Variants in AGAP1 observed in about 807,000 individuals in gnomAD.
AGAP1 encodes ArfGAP with GTPase domain, ankyrin repeat and PH domain 1.
Under a neutral mutation model 105.3 loss-of-function variants are expected in AGAP1, and 29 were observed. That is an observed-to-expected ratio of 0.28 (90% CI 0.21 to 0.38). The LOEUF (loss-of-function observed/expected upper bound fraction) is 0.38. Among genes scored for constraint, AGAP1 ranks in the 10% least tolerant of loss-of-function variants. AGAP1 has a pLI of 1.00. For synonymous variants in AGAP1, 509 were observed against 485.9 expected (o/e 1.05, Z -0.63); for missense variants, 998 against 1,165.1 (o/e 0.86, Z 2.09).
intron 1 of AGAP1, among the ~76,000 whole-genome samples, chr2:235,616,307 G>A (rs1008111507): frequency 1.3e-5 from 2 of 151,372 alleles, no homozygotes; most frequent in African/African-American, 2.4e-5. Flanking sequence ...GTTGCAGTGA[G>A]CCAAGAGTGC....
chr2:235,783,556 GA>G (rs1956410823), intron 6 of AGAP1, among the ~76,000 whole-genome samples: 1 of 152,226 alleles, frequency 6.6e-6, no homozygotes, highest in African/African-American at 2.4e-5. Context: ...TGTTATGCCA[GA>G]GATGTGGTTT....
At position 236,120,680 on chromosome 2, in the gene AGAP1, T is replaced by G. The variant is rs2059878171; in HGVS notation, c.2370+233T>G. ...AAAATTGCAACTTTGTGATTGCCCC[T>G]TATCAAGCAGGGTTGGTGCTATCCC... On this transcript the variant is annotated intron_variant, in intron 17 of 17. Transcript: ENST00000304032. This position sits in a 1 kb window ranked among gnomAD's most constrained non-coding sequence, Gnocchi z 6.0. Among the ~76,000 whole-genome samples the G allele has an allele frequency of 6.6e-6, 1 of 152,240 alleles. No individual in the cohort carries two copies. The highest frequency in any genetic ancestry group is 1.5e-5 in the Non-Finnish European group (1 of 68,042).
intron 13 of AGAP1, among the ~76,000 whole-genome samples, chr2:236,032,632 G>A (rs1478014853): frequency 2.0e-5 from 3 of 152,168 alleles, no homozygotes; most frequent in Non-Finnish European, 4.4e-5. Flanking sequence ...ACGCGTGCAC[G>A]TGTCTGCTTT....
chr2:235,653,367 G>T (rs1319373062), intron 1 of AGAP1, among the ~76,000 whole-genome samples: 1 of 152,076 alleles, frequency 6.6e-6, no homozygotes, highest in African/African-American at 2.4e-5. Context: ...GGGAGGCTGA[G>T]GCAGGAGAAT....
At position 235,724,046 on chromosome 2, in the gene AGAP1, C is replaced by T. The variant is rs1951526584; in HGVS notation, c.310+6402C>T. Among the ~76,000 whole-genome samples the T allele has an allele frequency of 6.6e-6, 1 of 152,216 alleles. No homozygotes were observed. Among genetic ancestry groups the T allele is most frequent in the Non-Finnish European group, 1.5e-5 (1 of 68,044 alleles). On this transcript the variant is annotated intron_variant, in intron 3 of 17. Transcript: ENST00000304032. The surrounding 1 kb of genome is among the most constrained non-coding windows in gnomAD (Gnocchi z 4.9). ...ACACAGAGGGATTTGCAGGGAAGGG[C>T]CTTAGCCAGGCATGATGTGGGAGCG...
intron 1 of AGAP1, among the ~76,000 whole-genome samples, chr2:235,704,673 G>C (rs756411294): frequency 5.3e-5 from 8 of 152,210 alleles, no homozygotes; most frequent in Non-Finnish European, 1.0e-4. Flanking sequence ...TGAAGGTTCT[G>C]ATTTCCAGAG....
chr2:235,946,108 TA>T (rs67504072), intron 12 of AGAP1, among the ~76,000 whole-genome samples: 32,393 of 146,114 alleles, frequency 0.22, 8,941 homozygotes, highest in African/African-American at 0.65. Flanking sequence ...TTCCCCTAAT[TA>T]AAAAAAAAAA....
chr2:235,954,536 G>T (rs1010245880), intron 12 of AGAP1, among the ~76,000 whole-genome samples: 2 of 149,070 alleles, frequency 1.3e-5, no homozygotes, highest in African/African-American at 5.0e-5. Context: ...CTTGCATCTC[G>T]TATGTTACGG....
intron 1 of AGAP1, 38 bp downstream of exon 1, chr2:235,494,887 G>T: frequency 6.6e-7 from 1 of 1,523,338 alleles, no homozygotes; most frequent in Non-Finnish European, 8.8e-7. Flanking sequence ...GGGAAGGCAC[G>T]GACGCCCGCG....
chr2:235,884,729 C>T (rs1352454141), intron 10 of AGAP1, among the ~76,000 whole-genome samples: 5 of 152,284 alleles, frequency 3.3e-5, no homozygotes, highest in African/African-American at 7.2e-5. Context: ...GCTGGGATTA[C>T]AGGTTTGAGC....
In AGAP1 at chr2:235,964,614, G is replaced by T. The variant is rs1043865853; in HGVS notation, c.1484-3848G>T. Among the ~76,000 whole-genome samples the T allele has an allele frequency of 4.6e-5, 7 of 152,126 alleles. No homozygotes were observed. Among genetic ancestry groups the T allele is most frequent in the Admixed American group, 4.6e-4 (7 of 15,280 alleles). ...TCTCTGGATGCCCCACCCCCTGAAC[G>T]TTATGAGGCTTCTGAACACTGTTAA... On this transcript the variant is annotated intron_variant, in intron 12 of 17. Coordinates refer to ENST00000304032, the MANE Select transcript of AGAP1 (RefSeq NM_001037131.3). This position sits in a 1 kb window ranked among gnomAD's most constrained non-coding sequence, Gnocchi z 4.6.
At chr2:235,651,184 C>CAAAAAA (rs55990003) in intron 1 of AGAP1, among the ~76,000 whole-genome samples, 699 of 54,150 alleles carry the variant, frequency 0.013, 82 homozygotes, top group East Asian at 0.059. Context: ...AACTCCATCT[C>CAAAAAA]AAAAAAAAAA....
rs2055591594 is a variant in AGAP1, at chr2:235,992,121, A to G, written c.1645+23498A>G. ...ATGGTGGCCATCACGAGACCCAGATAACAGGAGTGGTTAGAAGCGCAGCGG... is the reference window on the plus strand; with the variant it reads ...ATGGTGGCCATCACGAGACCCAGATGACAGGAGTGGTTAGAAGCGCAGCGG... On this transcript the variant is annotated intron_variant, in intron 13 of 17. Transcript: ENST00000304032. This position sits in a 1 kb window ranked among gnomAD's most constrained non-coding sequence, Gnocchi z 4.8. Among the ~76,000 whole-genome samples the G allele has an allele frequency of 6.6e-6, 1 of 152,160 alleles. No individual in the cohort carries two copies. Among genetic ancestry groups the G allele is most frequent in the South Asian group, 2.1e-4 (1 of 4,830 alleles).
intron 16 of AGAP1, among the ~76,000 whole-genome samples, chr2:236,118,676 A>G (rs2059830122): frequency 6.6e-6 from 1 of 152,120 alleles, no homozygotes; most frequent in Non-Finnish European, 1.5e-5. Flanking sequence ...GGCATGAGCC[A>G]CTGCGCCCAG....
intron 9 of AGAP1, among the ~76,000 whole-genome samples, chr2:235,834,566 C>T (rs1396463910): frequency 3.3e-5 from 5 of 152,174 alleles, no homozygotes; most frequent in African/African-American, 1.2e-4. Flanking sequence ...ATATTCCATG[C>T]CTGCCTTGAG....
At chr2:236,118,535 G>A (rs1425105830) in intron 16 of AGAP1, among the ~76,000 whole-genome samples, 3 of 151,550 alleles carry the variant, frequency 2.0e-5, no homozygotes, top group South Asian at 2.1e-4. Context: ...GATTACAGGC[G>A]CCTGCCACCA....
At chr2:235,743,702 T>C (rs1020904089) in intron 4 of AGAP1, among the ~76,000 whole-genome samples, 1 of 152,192 alleles carries the variant, frequency 6.6e-6, no homozygotes, top group Non-Finnish European at 1.5e-5. Context: ...TTAGACCAAA[T>C]GTATTAGAGG....
Position 236,058,650 on chromosome 2 carries a change from C to G in AGAP1, c.2114+9369C>G, listed in dbSNP as rs1414024833. On this transcript the variant is annotated intron_variant, in intron 16 of 17. Transcript: ENST00000304032. The surrounding 1 kb of genome is among the most constrained non-coding windows in gnomAD (Gnocchi z 4.6). ...TTATGGTGAAATACTGCAGGCTTTT[C>G]CCCTAAGATCACAAACAAGACAAGA... is the stretch of plus-strand genomic sequence containing the variant. Among the ~76,000 whole-genome samples, 1 of 152,152 alleles carries G rather than the reference C, an allele frequency of 6.6e-6. No homozygotes were observed. The highest frequency in any genetic ancestry group is 1.5e-5 in the Non-Finnish European group (1 of 68,024).
At chr2:235,677,547 C>T (rs993795375) in intron 1 of AGAP1, among the ~76,000 whole-genome samples, 4 of 152,246 alleles carry the variant, frequency 2.6e-5, no homozygotes, top group South Asian at 4.1e-4. Context: ...CAAGATTTCA[C>T]GTGACGTTGT....
Sources: allele counts gnomAD v4.1 joint callset (sites outside exome capture counted in the v4.1 genomes callset), GRCh38; gene constraint gnomAD v4.1.1; non-coding constraint Gnocchi (gnomAD v3.1); transcripts MANE v1.5; gene names NCBI Gene and HGNC (gene_info 2026-07-23, HGNC 2026-07-21).